The following DUSP16 variants were observed in gnomAD, a reference collection of about 807,000 sequenced individuals.
DUSP16 encodes the protein dual specificity phosphatase 16, also known as dual specificity protein phosphatase 16.
A neutral mutation model predicts 58.3 loss-of-function variants in DUSP16; 21 were observed. The ratio of observed to expected loss-of-function variants is 0.36; its 90% CI spans 0.26 to 0.52. DUSP16 has a LOEUF of 0.52. Ranked by LOEUF, DUSP16 falls within the 20% of genes least tolerant of loss-of-function variation. DUSP16 has a pLI of 0.94. For missense variants in DUSP16, 726 were observed against 819.0 expected (o/e 0.89, Z 1.39); for synonymous variants, 320 against 323.8 (o/e 0.99, Z 0.12).
In DUSP16 at chr12:12,473,444, C is replaced by G. The variant is rs1359882880; in HGVS notation, c.*3389G>C. On this transcript the variant is annotated 3_prime_UTR_variant, in exon 7 of 7. Coordinates refer to ENST00000298573, the MANE Select transcript of DUSP16 (RefSeq NM_030640.3). ...TCTCATTGGAAGCCTCTCACTGAAA[C>G]AACTGTTCCTCCTGTTACCCTCTAT... is the stretch of plus-strand genomic sequence containing the variant. Among the ~76,000 whole-genome samples, 1 of 152,190 alleles carries G rather than the reference C, an allele frequency of 6.6e-6. No homozygotes were observed. The highest frequency in any genetic ancestry group is 1.5e-5 in the Non-Finnish European group (1 of 68,036).
At chr12:12,502,943 C>T (rs748737413) in intron 3 of DUSP16, among the ~76,000 whole-genome samples, 5 of 152,112 alleles carry the variant, frequency 3.3e-5, no homozygotes, top group Non-Finnish European at 5.9e-5. Flanking sequence ...GTAGAAGCCA[C>T]GGTACATACA....
intron 1 of DUSP16, among the ~76,000 whole-genome samples, chr12:12,531,764 G>A (rs190758944): frequency 4.6e-5 from 7 of 152,046 alleles, no homozygotes; most frequent in Non-Finnish European, 8.8e-5. Flanking sequence ...CCGGCTACTC[G>A]GGAGGCTGAG....
chr12:12,530,548 T>C (rs1566031428), intron 1 of DUSP16, among the ~76,000 whole-genome samples: 1 of 152,200 alleles, frequency 6.6e-6, no homozygotes, highest in South Asian at 2.1e-4. Context: ...TTGTTGTCCA[T>C]GCTTTTGAGG....
Position 12,477,551 on chromosome 12 carries a change from A to G in DUSP16, c.1280T>C (p.Leu427Ser). The G allele has an allele frequency of 6.2e-7, 1 of 1,612,044 alleles. No individual in the cohort carries two copies. The highest frequency in any genetic ancestry group is 8.5e-7 in the Non-Finnish European group (1 of 1,178,740). Residue 427 changes from leucine to serine, a missense_variant, in exon 7 of 7, where the codon TTG becomes TCG. By Grantham distance (145) the Leu-to-Ser change is moderately radical (BLOSUM62 -2). Coordinates refer to ENST00000298573, the MANE Select transcript of DUSP16 (RefSeq NM_030640.3). The surrounding 1 kb of genome is among the most constrained non-coding windows in gnomAD (Gnocchi z 4.1). ...AGTAGTGGAAGGTTTGTAGTATTCC[A>G]AAGCATCTTCTGATGAGGAGAAGCC... ...LHGFSSSEDA[L>S]EYYKPSTTLD...
chr12:12,531,701 T>C (rs71457155), intron 1 of DUSP16, among the ~76,000 whole-genome samples: 1 of 152,006 alleles, frequency 6.6e-6, no homozygotes, highest in Non-Finnish European at 1.5e-5. Context: ...CGAAACCCCG[T>C]CTCTACTAAA....
intron 3 of DUSP16, among the ~76,000 whole-genome samples, chr12:12,515,686 T>C (rs144950671): frequency 6.6e-4 from 101 of 152,084 alleles, no homozygotes; most frequent in African/African-American, 2.3e-3. Context: ...TGCAGGTCTT[T>C]AAATTGTACT....
At chr12:12,520,617 C>A (rs7309730) in intron 2 of DUSP16, among the ~76,000 whole-genome samples, 140,742 of 152,282 alleles carry the variant, frequency 0.92, 65,231 homozygotes, top group East Asian at 0.99. Context: ...TTAATAAAAT[C>A]ATTTTAGCAA....
intron 5 of DUSP16, among the ~76,000 whole-genome samples, chr12:12,480,657 T>C (rs1943547230): frequency 6.6e-6 from 1 of 152,226 alleles, no homozygotes; most frequent in Non-Finnish European, 1.5e-5. Flanking sequence ...TAATATTTAA[T>C]ATATTCCTGT....
intron 1 of DUSP16, among the ~76,000 whole-genome samples, chr12:12,540,777 G>A (rs1339194253): frequency 6.6e-6 from 1 of 152,016 alleles, no homozygotes; most frequent in Admixed American, 6.5e-5. Context: ...CTGGTCAAGA[G>A]GTTTGGAGGG....
intron 1 of DUSP16, among the ~76,000 whole-genome samples, chr12:12,541,069 C>T (rs971459717): frequency 4.6e-5 from 7 of 150,978 alleles, no homozygotes; most frequent in African/African-American, 1.7e-4. Flanking sequence ...GGTGATCCCC[C>T]CAGCTCAGCC....
intron 4 of DUSP16, among the ~76,000 whole-genome samples, chr12:12,492,222 C>T (rs147443506): frequency 1.3e-3 from 201 of 152,302 alleles, no homozygotes; most frequent in African/African-American, 4.6e-3. Flanking sequence ...TTCTCTTTCC[C>T]ATATGCCATT....
At chr12:12,523,556 T>C (rs551761418) in intron 1 of DUSP16, among the ~76,000 whole-genome samples, 1 of 152,248 alleles carries the variant, frequency 6.6e-6, no homozygotes, top group Non-Finnish European at 1.5e-5. Flanking sequence ...CCATTTCTTA[T>C]TTTCCAAGAA....
At chr12:12,523,764 A>G (rs1327682036) in intron 1 of DUSP16, among the ~76,000 whole-genome samples, 2 of 152,200 alleles carry the variant, frequency 1.3e-5, no homozygotes, top group African/African-American at 4.8e-5. Flanking sequence ...ACGGCAATGT[A>G]AGGTCCTGTA....
chr12:12,551,580 T>C (rs969723266), intron 1 of DUSP16, among the ~76,000 whole-genome samples: 2 of 152,104 alleles, frequency 1.3e-5, no homozygotes, highest in African/African-American at 4.8e-5. Flanking sequence ...CACTTCCCAA[T>C]TCTTAAAGAT....
At position 12,475,654 on chromosome 12, in the gene DUSP16, A is replaced by G. The variant is rs1055305267; in HGVS notation, c.*1179T>C. On this transcript the variant is annotated 3_prime_UTR_variant, in exon 7 of 7. Transcript: ENST00000298573. ...ATCATAGAAACATCAGCCCCATCGCATGCCGAGGGGATAAAAGCCACTAAG... is the reference window on the plus strand; with the variant it reads ...ATCATAGAAACATCAGCCCCATCGCGTGCCGAGGGGATAAAAGCCACTAAG... The G allele has an allele frequency of 4.6e-5, 7 of 152,180 alleles. No homozygotes were observed. The highest frequency in any genetic ancestry group is 1.7e-4 in the African/African-American group (7 of 41,446). 9.4% of individuals were successfully genotyped at this position (152,180 alleles called of 1,614,324 possible). A position where few individuals can be genotyped will look rare whatever the true frequency, so the allele number is the denominator to read the frequency against.
intron 3 of DUSP16, among the ~76,000 whole-genome samples, chr12:12,518,195 A>T (rs758628964): frequency 7.9e-5 from 12 of 152,202 alleles, no homozygotes; most frequent in Non-Finnish European, 1.6e-4. Context: ...TCTGTCACGA[A>T]GCACATCTTG....
intron 1 of DUSP16, among the ~76,000 whole-genome samples, chr12:12,540,581 G>T (rs1944536837): frequency 6.6e-6 from 1 of 152,216 alleles, no homozygotes; most frequent in Admixed American, 6.5e-5. Context: ...AATTTCATAA[G>T]ATATCTATAA....
chr12:12,495,474 G>A (rs1412522885), intron 4 of DUSP16, among the ~76,000 whole-genome samples: 1 of 152,116 alleles, frequency 6.6e-6, no homozygotes, highest in Non-Finnish European at 1.5e-5. Context: ...TTATTATTAT[G>A]ATTTCCATTC....
At chr12:12,484,698 T>C (rs2136194431) in intron 5 of DUSP16, among the ~76,000 whole-genome samples, 1 of 152,274 alleles carries the variant, frequency 6.6e-6, no homozygotes, top group East Asian at 1.9e-4. Context: ...CTCGGCTCAC[T>C]GCAACCTCCA....
Sources: allele counts gnomAD v4.1 joint callset (sites outside exome capture counted in the v4.1 genomes callset), GRCh38; gene constraint gnomAD v4.1.1; non-coding constraint Gnocchi (gnomAD v3.1); transcripts MANE v1.5; gene names NCBI Gene and HGNC (gene_info 2026-07-23, HGNC 2026-07-21).